The following CAST variants were observed in gnomAD, a reference collection of about 807,000 sequenced individuals.
The protein encoded by CAST is calpastatin, also known as MIR583 host.
In CAST, 76 loss-of-function variants were observed where a neutral mutation model predicts 119.6. The ratio of observed to expected loss-of-function variants is 0.64; its 90% CI spans 0.53 to 0.77. The LOEUF is 0.77. CAST is among the 30% of genes least tolerant of loss of function. The pLI is 0.00. For synonymous variants in CAST, 319 were observed against 331.6 expected (o/e 0.96, Z 0.41); for missense variants, 953 against 946.5 (o/e 1.01, Z -0.09).
chr5:96,661,847 G>A (rs1337093805), upstream of CAST, among the ~76,000 whole-genome samples: 1 of 139,718 alleles, frequency 7.2e-6, no homozygotes, highest in African/African-American at 3.1e-5. Flanking sequence ...AACATACACA[G>A]GCGCGTGCAC....
the CAST span, among the ~76,000 whole-genome samples, chr5:96,504,070 G>A: frequency 6.6e-6 from 1 of 152,114 alleles, no homozygotes; most frequent in African/African-American, 2.4e-5. Flanking sequence ...TGACCATTGT[G>A]TGCTTTCTCT....
At chr5:96,005,610 T>G in the CAST span, among the ~76,000 whole-genome samples, 14 of 152,170 alleles carry the variant, frequency 9.2e-5, no homozygotes, top group Non-Finnish European at 1.8e-4. Context: ...TACTATTTGA[T>G]TATATTATCA....
chr5:96,490,555 A>G, the CAST span, among the ~76,000 whole-genome samples: 1 of 152,216 alleles, frequency 6.6e-6, no homozygotes, highest in African/African-American at 2.4e-5. Flanking sequence ...GCATAATCAT[A>G]TACAAATAGG....
the CAST span, among the ~76,000 whole-genome samples, chr5:96,516,971 G>C: frequency 6.6e-6 from 1 of 152,168 alleles, no homozygotes; most frequent in Non-Finnish European, 1.5e-5. Flanking sequence ...TGTTTCCAGT[G>C]TGCACACTAG....
At chr5:96,545,343 C>T (rs1483187446) in intron 1 of CAST, 2 of 152,140 alleles carry the variant, frequency 1.3e-5, no homozygotes, top group Non-Finnish European at 2.9e-5. Flanking sequence ...GCCCTATGGA[C>T]ATAGCCTCAT....
the CAST span, among the ~76,000 whole-genome samples, chr5:96,098,809 C>A: frequency 6.6e-6 from 1 of 152,068 alleles, no homozygotes; most frequent in Non-Finnish European, 1.5e-5. Context: ...TATTCCAGTT[C>A]TTTTTTGGTT....
At chr5:96,635,781 T>C (rs1314976376) in intron 1 of CAST, among the ~76,000 whole-genome samples, 1 of 152,254 alleles carries the variant, frequency 6.6e-6, no homozygotes, top group Non-Finnish European at 1.5e-5. Context: ...GACTCTCATC[T>C]GTGCTTAGTT....
At chr5:96,232,968 T>G in the CAST span, among the ~76,000 whole-genome samples, 17 of 152,098 alleles carry the variant, frequency 1.1e-4, no homozygotes, top group African/African-American at 3.9e-4. Context: ...TTGCATATGT[T>G]AACACAGATA....
the CAST span, among the ~76,000 whole-genome samples, chr5:96,093,967 G>C: frequency 2.0e-5 from 3 of 152,068 alleles, no homozygotes; most frequent in Middle Eastern, 3.4e-3. Flanking sequence ...CCTATTCCTG[G>C]TTGGCAATCT....
At chr5:96,544,642 A>C (rs149833124) in intron 1 of CAST, among the ~76,000 whole-genome samples, 2 of 152,226 alleles carry the variant, frequency 1.3e-5, no homozygotes, top group African/African-American at 4.8e-5. Context: ...ATAAGCTGAG[A>C]GATAAAAATT....
chr5:96,602,216 G>C (rs560383092), intron 1 of CAST, among the ~76,000 whole-genome samples: 1 of 152,330 alleles, frequency 6.6e-6, no homozygotes, highest in African/African-American at 2.4e-5. Flanking sequence ...GACATGACAA[G>C]TGTACATAGC....
At chr5:96,297,001 T>C in the CAST span, among the ~76,000 whole-genome samples, 1 of 152,022 alleles carries the variant, frequency 6.6e-6, no homozygotes, top group African/African-American at 2.4e-5. Context: ...TTTTTATGTC[T>C]TCTGGTGTCA....
At chr5:96,234,774 A>G in the CAST span, among the ~76,000 whole-genome samples, 1 of 152,186 alleles carries the variant, frequency 6.6e-6, no homozygotes, top group African/African-American at 2.4e-5. Flanking sequence ...CTCATTGGCC[A>G]GAAATGTATT....
chr5:96,174,074 G>A, the CAST span, among the ~76,000 whole-genome samples: 1 of 152,088 alleles, frequency 6.6e-6, no homozygotes, highest in African/African-American at 2.4e-5. Context: ...TACTTGTTAA[G>A]TGACACATGA....
chr5:96,410,831 C>G, the CAST span: 3 of 1,614,134 alleles, frequency 1.9e-6, no homozygotes, highest in South Asian at 3.3e-5. Flanking sequence ...TGGAGGAGCA[C>G]TTCTCAGCGT....
chr5:96,489,023 T>C, the CAST span, among the ~76,000 whole-genome samples: 1 of 152,224 alleles, frequency 6.6e-6, no homozygotes, highest in Non-Finnish European at 1.5e-5. Flanking sequence ...TGACACCAGA[T>C]CTGACCACTT....
At position 96,543,955 on chromosome 5, in the gene CAST, C is replaced by G. The variant is rs548518430; in HGVS notation, c.60+14075C>G. On this transcript the variant is annotated intron_variant, in intron 1 of 11. Transcript: ENST00000505143. The stretch of plus-strand genomic sequence containing the variant: ...TTGCCAGTACCCAATACCATACTCT[C>G]TTGGTCACTGTAGCTTTACAGTGAG... Among the ~76,000 whole-genome samples the G allele has an allele frequency of 2.0e-5, 3 of 152,324 alleles. No homozygotes were observed. In the South Asian group the frequency reaches 6.2e-4, roughly 32 times the overall value.
chr5:96,392,118 T>C, the CAST span: 1 of 152,214 alleles, frequency 6.6e-6, no homozygotes, highest in Non-Finnish European at 1.5e-5. Flanking sequence ...GATAAGTGGT[T>C]TCCTGTTACT....
chr5:96,412,406 C>T, the CAST span: 3 of 1,614,090 alleles, frequency 1.9e-6, no homozygotes, highest in Non-Finnish European at 1.7e-6. Flanking sequence ...CCAGCTTGCA[C>T]TGTAAATATC....
Sources: gnomAD v4.1 joint callset for allele counts (sites outside exome capture counted in the v4.1 genomes callset) on GRCh38, gnomAD v4.1.1 for gene constraint, MANE v1.5 for transcripts, NCBI Gene and HGNC (gene_info 2026-07-23, HGNC 2026-07-21) for gene names.